Variants in DUSP28 observed in about 807,000 individuals in gnomAD.
DUSP28 encodes the protein dual specificity phosphatase 28.
In DUSP28, 11 loss-of-function variants were observed where a neutral mutation model predicts 8.4. The observed-to-expected ratio is 1.31, with a 90% CI of 0.83 to 2.17. The LOEUF (loss-of-function observed/expected upper bound fraction) is 2.17, where lower values mean the gene tolerates loss of function less well. DUSP28 is among the 30% of genes most tolerant of loss of function. The pLI is 0.00. For missense variants in DUSP28, 373 were observed against 270.4 expected (o/e 1.38, Z -2.66); for synonymous variants, 178 against 130.9 (o/e 1.36, Z -2.46).
At position 240,561,087 on chromosome 2, in the gene DUSP28, C is replaced by T. The variant is rs974754904; in HGVS notation, c.393+10C>T. ...GGCGAAGGCCTTCCAGGTGGGCGGG[C>T]CTTTAGGGGGGCGGTGTTTCGAGAG... On this transcript the variant is annotated intron_variant, in intron 1 of 1. Transcript: ENST00000405954. 6.8e-7 allele frequency: 1 copy of T among 1,473,884 alleles called. No individual in the cohort carries two copies. Among genetic ancestry groups the T allele is most frequent in the South Asian group, 1.3e-5 (1 of 74,138 alleles). 91.3% of individuals were successfully genotyped at this position (1,473,884 alleles called of 1,614,324 possible). A position where few individuals can be genotyped will look rare whatever the true frequency, so the allele number is the denominator to read the frequency against.
Position 240,564,841 on chromosome 2 carries a change from G to A in DUSP28, c.*3374G>A, listed in dbSNP as rs2092997258. Among the ~76,000 whole-genome samples, 1 of 152,234 alleles carries A rather than the reference G, an allele frequency of 6.6e-6. No individual in the cohort carries two copies. The highest frequency in any genetic ancestry group is 2.4e-5 in the African/African-American group (1 of 41,456). On this transcript the variant is annotated 3_prime_UTR_variant, in exon 2 of 2. Coordinates refer to ENST00000405954, the MANE Select transcript of DUSP28 (RefSeq NM_001370465.2). ...CCTGTGACAGGCAGGGGAGAAGGAG[G>A]CTGTGCTGACAGACGGCCTGGTGAG...
rs911979249 is a variant in DUSP28, at chr2:240,561,473, G to A, written c.*6G>A. 9.9e-6 allele frequency: 16 copies of A among 1,611,468 alleles called. No homozygotes were observed. Among genetic ancestry groups the A allele is most frequent in the Non-Finnish European group, 1.3e-5 (15 of 1,179,084 alleles). On this transcript the variant is annotated 3_prime_UTR_variant, in exon 2 of 2. Transcript: ENST00000405954. ...GGTTGGGCCCTGAGGCTTGAAGCTTGAAGGCCTGCTGCCTGGAGGAAGGAT... is the reference window on the plus strand; with the variant it reads ...GGTTGGGCCCTGAGGCTTGAAGCTTAAAGGCCTGCTGCCTGGAGGAAGGAT...
At chr2:240,561,115 G>A in intron 1 of DUSP28, 38 bp downstream of exon 1, 1 of 1,460,186 alleles carries the variant, frequency 6.8e-7, no homozygotes, top group South Asian at 1.4e-5. Flanking sequence ...TTCGAGAGGG[G>A]CGTGTCTTCC....
At chr2:240,561,303 G>T in intron 1 of DUSP28, 27 bp from the exon 2 acceptor site, 2 of 1,613,544 alleles carry the variant, frequency 1.2e-6, no homozygotes, top group Non-Finnish European at 1.7e-6. Context: ...GCGACTTGGG[G>T]TTATTCAGTA....
intron 1 of DUSP28, 105 bp from the exon 2 acceptor site, chr2:240,561,225 G>C: frequency 6.3e-7 from 1 of 1,582,120 alleles, no homozygotes; most frequent in Non-Finnish European, 8.6e-7. Flanking sequence ...GAAGCAGAGA[G>C]GCACTTCCGG....
chr2:240,563,863 TTAAC>T lies in DUSP28; in HGVS notation c.*2399_*2402del, dbSNP rs781514301. Reference sequence around the variant, plus strand: ...TCTTGTCATAACAGTTTTGTGTTCCTTAACTATTTTGTCTGCCATGTCATTTATG... The same window carrying T: ...TCTTGTCATAACAGTTTTGTGTTCCTTATTTTGTCTGCCATGTCATTTATG... On this transcript the variant is annotated 3_prime_UTR_variant, in exon 2 of 2. Transcript: ENST00000405954. 5.9e-5 allele frequency: 9 copies of T among 152,410 alleles called. No homozygotes were observed. Among genetic ancestry groups the T allele is most frequent in the African/African-American group, 9.6e-5 (4 of 41,470 alleles). 9.4% of individuals were successfully genotyped at this position (152,410 alleles called of 1,614,324 possible).
rs1293780795 is a variant in DUSP28, at chr2:240,561,454, G to T, written c.518G>T (p.Gly173Val). Residue 173 changes from glycine to valine, a missense_variant, in exon 2 of 2, where the codon GGC (glycine) becomes GTC (valine). Coordinates refer to ENST00000405954, the MANE Select transcript of DUSP28 (RefSeq NM_001370465.2). ...GGAGAGCCCCCAGCCTTAGGGTTGG[G>T]CCCTGAGGCTTGAAGCTTGAAGGCC... ...LQGEPPALGLGPEA is the reference protein window; with the variant it reads ...LQGEPPALGLVPEA 6.2e-7 allele frequency: 1 copy of T among 1,613,168 alleles called. No homozygotes were observed. The highest frequency in any genetic ancestry group is 1.7e-5 in the Admixed American group (1 of 59,978).
chr2:240,562,281 T>G lies in DUSP28; in HGVS notation c.*814T>G. 1 of 151,694 alleles carries G rather than the reference T, an allele frequency of 6.6e-6. No individual in the cohort carries two copies. The highest frequency in any genetic ancestry group is 2.4e-5 in the African/African-American group (1 of 41,126). The allele number at this position is 151,694 out of a possible 1,614,324, so 9.4% of individuals were successfully genotyped here. A position where few individuals can be genotyped will look rare whatever the true frequency, so the allele number is the denominator to read the frequency against. On this transcript the variant is annotated 3_prime_UTR_variant, in exon 2 of 2. Coordinates refer to ENST00000405954, the MANE Select transcript of DUSP28 (RefSeq NM_001370465.2). ...TTGTATTTTTAGTAGAGATGGGGGG[T>G]TTCACCATGTTAGCCAGGATGGTCT...
rs1369974537 is a variant in DUSP28, at chr2:240,560,511, T to TC, written c.-171dup. On this transcript the variant is annotated 5_prime_UTR_variant, in exon 1 of 2. The change abolishes the stop of an existing upstream ORF in the 5' untranslated region. Coordinates refer to ENST00000405954, the MANE Select transcript of DUSP28 (RefSeq NM_001370465.2). ...GCCCCAACGAGACCCAAGCCCCCTG[T>TC]CCCGGCCCAGCGCCCGCGGGGGACC... 7.8e-6 allele frequency: 8 copies of TC among 1,024,498 alleles called. No homozygotes were observed. In the East Asian group the frequency reaches 2.6e-4, roughly 34 times the overall value. 63.5% of individuals were successfully genotyped at this position (1,024,498 alleles called of 1,614,324 possible).
chr2:240,561,177 C>T (rs2092944649), intron 1 of DUSP28, 100 bp downstream of exon 1: 3 of 1,475,680 alleles, frequency 2.0e-6, no homozygotes, highest in East Asian at 2.4e-5. Flanking sequence ...CAGGCACTTC[C>T]GGGAGGGGCG....
rs1301029858 is a variant in DUSP28 at position 240,565,009 on chromosome 2, A to G, written c.*3542A>G. ...TCCCGCCGTGTGAGGGTGGAACCCCATAAGCCACCACTGGAGGCATCCAAG... is the reference window on the plus strand; with the variant it reads ...TCCCGCCGTGTGAGGGTGGAACCCCGTAAGCCACCACTGGAGGCATCCAAG... On this transcript the variant is annotated 3_prime_UTR_variant, in exon 2 of 2. Transcript: ENST00000405954. Among the ~76,000 whole-genome samples, 1 of 152,204 alleles carries G rather than the reference A, an allele frequency of 6.6e-6. No individual in the cohort carries two copies. The highest frequency in any genetic ancestry group is 1.5e-5 in the Non-Finnish European group (1 of 68,036).
chr2:240,562,794 A>G lies in DUSP28; in HGVS notation c.*1327A>G, dbSNP rs765611043. ...AGAAAATAGAAATTTTACCTGCCCA[A>G]GTTCTTCACTGAGATTGAATGTGCT... On this transcript the variant is annotated 3_prime_UTR_variant, in exon 2 of 2. Transcript: ENST00000405954. The G allele has an allele frequency of 4.6e-5, 7 of 152,494 alleles. No homozygotes were observed. The highest frequency in any genetic ancestry group is 1.0e-4 in the Non-Finnish European group (7 of 68,046). The allele number at this position is 152,494 out of a possible 1,614,324, so 9.4% of individuals were successfully genotyped here. A position where few individuals can be genotyped will look rare whatever the true frequency, so the allele number is the denominator to read the frequency against.
rs779143635 is a variant in DUSP28, at chr2:240,560,849, G to A, written c.165G>A (p.Gln55=). 7.2e-7 allele frequency: 1 copy of A among 1,392,528 alleles called. No homozygotes were observed. Among genetic ancestry groups the A allele is most frequent in the Non-Finnish European group, 9.2e-7 (1 of 1,083,522 alleles). The allele number at this position is 1,392,528 out of a possible 1,614,324, so 86.3% of individuals were successfully genotyped here. A position where few individuals can be genotyped will look rare whatever the true frequency, so the allele number is the denominator to read the frequency against. ...TGTGCGTCAACGTCTCCCGCCAGCA[G>A]CCCGGCCCGCGCGCGCCCGGCGTGG... is the stretch of plus-strand genomic sequence containing the variant. The part of the protein sequence containing the change: ...VTLCVNVSRQ[Q]PGPRAPGVAE... Residue 55 remains glutamine (Q), a synonymous_variant, in exon 1 of 2, where the codon CAG becomes CAA. Transcript: ENST00000405954.
At position 240,560,975 on chromosome 2, in the gene DUSP28, C is replaced by T. The variant is rs769769611; in HGVS notation, c.291C>T (p.Gly97=). Residue 97 remains glycine, a synonymous_variant, in exon 1 of 2, where the codon GGC becomes GGT. Transcript: ENST00000405954. ...TGGAGGCCGCGGTGCGCGCCGGCGG[C>T]GCCTGCCTAGTCTACTGCAAGAACG... ...AAMEAAVRAG[G]ACLVYCKNGR... 5.0e-5 allele frequency: 76 copies of T among 1,521,008 alleles called. No homozygotes were observed. Among genetic ancestry groups the T allele is most frequent in the Non-Finnish European group, 5.9e-5 (68 of 1,147,480 alleles). 94.2% of individuals were successfully genotyped at this position (1,521,008 alleles called of 1,614,324 possible).
At position 240,561,986 on chromosome 2, in the gene DUSP28, A is replaced by C. The variant is rs569770420; in HGVS notation, c.*519A>C. ...ACATTGTTGAAGGGCAACTTGGGTG[A>C]TTGGGGAATTATTCTCTTCATCAGC... On this transcript the variant is annotated 3_prime_UTR_variant, in exon 2 of 2. Coordinates refer to ENST00000405954, the MANE Select transcript of DUSP28 (RefSeq NM_001370465.2). The C allele has an allele frequency of 1.3e-5, 2 of 153,140 alleles. No homozygotes were observed. The highest frequency in any genetic ancestry group is 6.5e-5 in the Admixed American group (1 of 15,338). 9.5% of individuals were successfully genotyped at this position (153,140 alleles called of 1,614,324 possible). A position where few individuals can be genotyped will look rare whatever the true frequency, so the allele number is the denominator to read the frequency against.
rs2092936252 is a variant in DUSP28 at position 240,561,035 on chromosome 2, C to T, written c.351C>T (p.Tyr117=). The T allele has an allele frequency of 2.6e-6, 4 of 1,529,080 alleles. No homozygotes were observed. The highest frequency in any genetic ancestry group is 1.4e-5 in the African/African-American group (1 of 72,456). 94.7% of individuals were successfully genotyped at this position (1,529,080 alleles called of 1,614,324 possible). ...RSRSAAVCTA[Y]LMRHRGLSLA... Reference sequence around the variant, plus strand: ...GCTCGGCCGCCGTCTGCACCGCGTACCTCATGCGGCACCGCGGCCTCAGCC... The same window carrying T: ...GCTCGGCCGCCGTCTGCACCGCGTATCTCATGCGGCACCGCGGCCTCAGCC... The change falls in exon 1 of 2, where the codon TAC becomes TAT. Residue 117 remains tyrosine, a synonymous_variant. Transcript: ENST00000405954.
In DUSP28 at chr2:240,564,874, G is replaced by A. The variant is rs569061781; in HGVS notation, c.*3407G>A. Among the ~76,000 whole-genome samples the A allele has an allele frequency of 1.3e-4, 20 of 152,320 alleles. No homozygotes were observed. The South Asian group carries it at 3.9e-3, about 30-fold the overall frequency. ...GACAGACGGCCTGGTGAGGGAACCC[G>A]GGAGGCCTCCAGCATCTGCACCCCT... On this transcript the variant is annotated 3_prime_UTR_variant, in exon 2 of 2. Coordinates refer to ENST00000405954, the MANE Select transcript of DUSP28 (RefSeq NM_001370465.2).
Position 240,561,044 on chromosome 2 carries a change from G to C in DUSP28, c.360G>C (p.Arg120=), listed in dbSNP as rs1259192541. 1 of 1,517,200 alleles carries C rather than the reference G, an allele frequency of 6.6e-7. No homozygotes were observed. The highest frequency in any genetic ancestry group is 8.8e-7 in the Non-Finnish European group (1 of 1,142,078). 94.0% of individuals were successfully genotyped at this position (1,517,200 alleles called of 1,614,324 possible). A position where few individuals can be genotyped will look rare whatever the true frequency, so the allele number is the denominator to read the frequency against. ...SAAVCTAYLM[R]HRGLSLAKAF... ...CCGTCTGCACCGCGTACCTCATGCGGCACCGCGGCCTCAGCCTGGCGAAGG... is the reference window on the plus strand; with the variant it reads ...CCGTCTGCACCGCGTACCTCATGCGCCACCGCGGCCTCAGCCTGGCGAAGG... Residue 120 remains arginine, a synonymous_variant, in exon 1 of 2, where the codon CGG becomes CGC. Transcript: ENST00000405954.
At chr2:240,561,187 G>C (rs1575428121) in intron 1 of DUSP28, 110 bp downstream of exon 1, 1 of 1,498,066 alleles carries the variant, frequency 6.7e-7, no homozygotes, top group African/African-American at 1.4e-5. Flanking sequence ...CGGGAGGGGC[G>C]GGTCTCTCTC....
Sources: allele counts gnomAD v4.1 joint callset (sites outside exome capture counted in the v4.1 genomes callset), GRCh38; gene constraint gnomAD v4.1.1; transcripts MANE v1.5; gene names NCBI Gene and HGNC (gene_info 2026-07-23, HGNC 2026-07-21).